LRP1B: variants seen among roughly 807,000 people sequenced by gnomAD.
LRP1B encodes low-density lipoprotein receptor-related protein 1B.
In LRP1B, 217 loss-of-function variants were observed where a neutral mutation model predicts 556.6. The observed-to-expected ratio is 0.39, with a 90% CI of 0.35 to 0.44. LRP1B has a LOEUF of 0.44. Ranked by LOEUF, LRP1B falls within the 20% of genes least tolerant of loss-of-function variation. The pLI is 1.00. For missense variants in LRP1B, 5,053 were observed against 5,620.8 expected (o/e 0.90, Z 3.23); for synonymous variants, 2,047 against 1,865.8 (o/e 1.10, Z -2.50).
At chr2:141,005,087 CAT>C (rs1176667750) in intron 15 of LRP1B, among the ~76,000 whole-genome samples, 1 of 151,982 alleles carries the variant, frequency 6.6e-6, no homozygotes, top group African/African-American at 2.4e-5. Context: ...GCTTCTGTGG[CAT>C]ATACTTATTT....
intron 3 of LRP1B, among the ~76,000 whole-genome samples, chr2:141,370,234 A>G (rs1689182417): frequency 6.6e-6 from 1 of 152,082 alleles, no homozygotes; most frequent in African/African-American, 2.4e-5. Context: ...ACTGTTTTCC[A>G]TAGAGGTCGT....
chr2:141,584,633 T>G (rs1687066356), intron 2 of LRP1B, among the ~76,000 whole-genome samples: 1 of 152,162 alleles, frequency 6.6e-6, no homozygotes, highest in Non-Finnish European at 1.5e-5. Context: ...CACACATGCA[T>G]GCACACCTTC....
chr2:141,012,618 A>G (rs1023789545), intron 14 of LRP1B, among the ~76,000 whole-genome samples: 3 of 151,928 alleles, frequency 2.0e-5, no homozygotes, highest in Non-Finnish European at 4.4e-5. Context: ...TCATGTACAC[A>G]TTTCCATTAT....
At position 141,174,235 on chromosome 2, in the gene LRP1B, T is replaced by C. The variant is rs114945293; in HGVS notation, c.1013+14186A>G. On this transcript the variant is annotated intron_variant, in intron 7 of 90. Transcript: ENST00000389484. Reference sequence around the variant, plus strand: ...TGAAAATGAACTTCCTCATGGTGTTTCTAGTCCATCCAGAGAAGAGAGGGC... The same window carrying C: ...TGAAAATGAACTTCCTCATGGTGTTCCTAGTCCATCCAGAGAAGAGAGGGC... Among the ~76,000 whole-genome samples, 506 of 152,220 alleles carry C rather than the reference T, an allele frequency of 3.3e-3. 2 individuals carry two copies. The highest frequency in any genetic ancestry group is 0.022 in the South Asian group (106 of 4,822).
chr2:141,205,886 A>G (rs1313936209), intron 6 of LRP1B, among the ~76,000 whole-genome samples: 2 of 152,192 alleles, frequency 1.3e-5, no homozygotes, highest in Non-Finnish European at 2.9e-5. Context: ...GCAGAATTCA[A>G]TGATGCCATC....
At chr2:141,741,264 T>C (rs1583590) in intron 2 of LRP1B, among the ~76,000 whole-genome samples, 3 of 57,722 alleles carry the variant, frequency 5.2e-5, no homozygotes, top group African/African-American at 2.2e-4. Context: ...ACTGATTTCC[T>C]TTTTTTTTTT....
intron 2 of LRP1B, among the ~76,000 whole-genome samples, chr2:141,641,764 G>A (rs112415009): frequency 6.6e-6 from 1 of 152,190 alleles, no homozygotes; most frequent in Admixed American, 6.5e-5. Flanking sequence ...CTATTGTCTT[G>A]AGTCCTGAAT....
At chr2:140,964,799 T>C (rs563467207) in intron 18 of LRP1B, among the ~76,000 whole-genome samples, 1 of 152,132 alleles carries the variant, frequency 6.6e-6, no homozygotes, top group Admixed American at 6.5e-5. Context: ...ACAGCTCGTG[T>C]CCTCTGTCTC....
chr2:141,947,330 G>A lies in LRP1B; in HGVS notation c.83-136929C>T, dbSNP rs978453026. On this transcript the variant is annotated intron_variant, in intron 1 of 90. Transcript: ENST00000389484. ...TGCATGCCTGTAGTCCCAGCTACTC[G>A]GGAGGATGAGGCAGGAGAATTGCTT... is the stretch of plus-strand genomic sequence containing the variant. Among the ~76,000 whole-genome samples the A allele has an allele frequency of 2.8e-4, 43 of 152,084 alleles. 1 individual carries two copies. The East Asian group carries it at 5.8e-3, about 21-fold the overall frequency.
chr2:142,008,395 G>A (rs1423585912), intron 1 of LRP1B, among the ~76,000 whole-genome samples: 1 of 152,174 alleles, frequency 6.6e-6, no homozygotes, highest in African/African-American at 2.4e-5. Context: ...TATAGAAAAT[G>A]CACTGTGTGA....
intron 25 of LRP1B, among the ~76,000 whole-genome samples, chr2:140,881,273 T>TGTGTGC (rs1693465687): frequency 6.6e-6 from 1 of 151,622 alleles, no homozygotes; most frequent in Non-Finnish European, 1.5e-5. Flanking sequence ...TGTGTGTGTG[T>TGTGTGC]GTGCGTGTGT....
At chr2:141,164,439 G>A (rs1680165113) in intron 7 of LRP1B, among the ~76,000 whole-genome samples, 1 of 151,898 alleles carries the variant, frequency 6.6e-6, no homozygotes. Context: ...AAATAACAAA[G>A]CAATTTCATA....
intron 46 of LRP1B, among the ~76,000 whole-genome samples, chr2:140,535,046 G>C (rs1420471757): frequency 1.3e-5 from 2 of 152,166 alleles, no homozygotes; most frequent in African/African-American, 2.4e-5. Flanking sequence ...TAGCCTGTGA[G>C]ACTGTTTTCG....
intron 41 of LRP1B, among the ~76,000 whole-genome samples, chr2:140,633,264 T>C (rs147180175): frequency 0.03 from 4,444 of 149,112 alleles, 98 homozygotes; most frequent in South Asian, 0.051. Context: ...CTCAAAAATA[T>C]TTAGAGTAAA....
intron 3 of LRP1B, among the ~76,000 whole-genome samples, chr2:141,433,569 T>C (rs1435571532): frequency 6.6e-6 from 1 of 152,122 alleles, no homozygotes; most frequent in Non-Finnish European, 1.5e-5. Flanking sequence ...ATAGATTGTC[T>C]GAATTTTCAG....
chr2:141,452,947 A>G (rs765119743), intron 3 of LRP1B, among the ~76,000 whole-genome samples: 2 of 152,172 alleles, frequency 1.3e-5, no homozygotes, highest in Non-Finnish European at 2.9e-5. Context: ...TCAAAATAGC[A>G]CAATGTGGCC....
intron 1 of LRP1B, among the ~76,000 whole-genome samples, chr2:141,949,182 T>C (rs1701039945): frequency 6.6e-6 from 1 of 152,136 alleles, no homozygotes; most frequent in Non-Finnish European, 1.5e-5. Context: ...TCCAATGACA[T>C]TGCAGAAAGT....
intron 3 of LRP1B, among the ~76,000 whole-genome samples, chr2:141,364,566 CAT>C (rs1688951196): frequency 6.6e-6 from 1 of 152,180 alleles, no homozygotes; most frequent in Non-Finnish European, 1.5e-5. Flanking sequence ...ATCTAAGTAA[CAT>C]ATAGAAGGCA....
Position 141,873,923 on chromosome 2 carries a change from C to G in LRP1B, c.83-63522G>C, listed in dbSNP as rs532724733. On this transcript the variant is annotated intron_variant, in intron 1 of 90. Transcript: ENST00000389484. ...AGTGAATTTTCACGACTAGAACACT[C>G]TCTTTTAACAAGAAGCCAGATCAAG... Among the ~76,000 whole-genome samples, 16 of 151,874 alleles carry G rather than the reference C, an allele frequency of 1.1e-4. No homozygotes were observed. The South Asian group carries it at 3.3e-3, about 32-fold the overall frequency.
Sources: gnomAD v4.1 joint callset for allele counts (sites outside exome capture counted in the v4.1 genomes callset) on GRCh38, gnomAD v4.1.1 for gene constraint, MANE v1.5 for transcripts, NCBI Gene and HGNC (gene_info 2026-07-23, HGNC 2026-07-21) for gene names.